The following PFKFB2 variants were observed in gnomAD, a reference collection of about 807,000 sequenced individuals.
PFKFB2 encodes 6-phosphofructo-2-kinase/fructose-2,6-biphosphatase 2.
Under a neutral mutation model 68.0 loss-of-function variants are expected in PFKFB2, and 53 were observed. The observed-to-expected ratio is 0.78, with a 90% CI of 0.63 to 0.98. The LOEUF (loss-of-function observed/expected upper bound fraction) is 0.98, where lower values mean the gene tolerates loss of function less well. Ranked by LOEUF, PFKFB2 falls within the 50% of genes least tolerant of loss-of-function variation. PFKFB2 has a pLI of 0.00. For synonymous variants in PFKFB2, 222 were observed against 227.6 expected (o/e 0.98, Z 0.22); for missense variants, 451 against 642.0 (o/e 0.70, Z 3.22).
chr1:207,077,362 T>A lies in PFKFB2; in HGVS notation c.*4991T>A. ...TTTTAAGGGTTGGCAAAAGTATTTT[T>A]TCCAGTAAGCCTTTCACTGGATATC... On this transcript the variant is annotated 3_prime_UTR_variant, in exon 15 of 15. Coordinates refer to ENST00000367080, the MANE Select transcript of PFKFB2 (RefSeq NM_006212.2). 2 of 984,686 alleles carry A rather than the reference T, an allele frequency of 2.0e-6. No homozygotes were observed. Among genetic ancestry groups the A allele is most frequent in the South Asian group, 9.4e-5 (2 of 21,272 alleles). 61.0% of individuals were successfully genotyped at this position (984,686 alleles called of 1,614,324 possible).
chr1:207,066,690 T>C (rs1417759826), intron 8 of PFKFB2, among the ~76,000 whole-genome samples: 1 of 152,204 alleles, frequency 6.6e-6, no homozygotes, highest in Non-Finnish European at 1.5e-5. Flanking sequence ...CTCGCTCTTG[T>C]TGCCCAGGCT....
At position 207,070,807 on chromosome 1, in the gene PFKFB2, G is replaced by A. The variant is rs906804214; in HGVS notation, c.1223-381G>A. The A allele has an allele frequency of 3.7e-5, 10 of 273,938 alleles. No homozygotes were observed. The highest frequency in any genetic ancestry group is 1.8e-4 in the African/African-American group (8 of 44,452). 17.0% of individuals were successfully genotyped at this position (273,938 alleles called of 1,614,324 possible). On this transcript the variant is annotated intron_variant, in intron 12 of 14. Transcript: ENST00000367080. The surrounding 1 kb of genome is among the most constrained non-coding windows in gnomAD (Gnocchi z 4.2). ...GTGCCGTTGCCTTCTTCCATACTTC[G>A]CTTCCCGATCTTCGGGAGCTCCTGG...
At chr1:207,068,612 C>T (rs1683371407) in intron 10 of PFKFB2, among the ~76,000 whole-genome samples, 1 of 152,162 alleles carries the variant, frequency 6.6e-6, no homozygotes, top group Non-Finnish European at 1.5e-5. Context: ...GTATATTTGC[C>T]TCCTGGGAAA....
In PFKFB2 at chr1:207,077,178, C is replaced by T; in HGVS notation, c.*4807C>T. ...CTGCTTTAGGGCAGGACTTCAGTTC[C>T]ACTGTTCATTTCTGAAGCTTCTGTG... On this transcript the variant is annotated 3_prime_UTR_variant, in exon 15 of 15. Coordinates refer to ENST00000367080, the MANE Select transcript of PFKFB2 (RefSeq NM_006212.2). The T allele has an allele frequency of 2.0e-6, 2 of 978,674 alleles. No homozygotes were observed. The highest frequency in any genetic ancestry group is 2.4e-6 in the Non-Finnish European group (2 of 829,878). 60.6% of individuals were successfully genotyped at this position (978,674 alleles called of 1,614,324 possible).
At chr1:207,050,855 A>G (rs749209354), upstream of PFKFB2, 1 of 1,612,600 alleles carries the variant, frequency 6.2e-7, no homozygotes, top group South Asian at 1.1e-5. Context: ...CCCCTGCAAA[A>G]CATGGGTGCC....
chr1:207,040,709 T>C (rs1481549656), intron 1 of PFKFB2, among the ~76,000 whole-genome samples: 1 of 152,182 alleles, frequency 6.6e-6, no homozygotes, highest in African/African-American at 2.4e-5. Context: ...TTTTCTGTTC[T>C]TGAATGTCTC....
At position 207,063,886 on chromosome 1, in the gene PFKFB2, G is replaced by GTGTGT. The variant is rs1553251477; in HGVS notation, c.507+57_507+58insTGTGT. 2.4e-6 allele frequency: 2 copies of GTGTGT among 849,560 alleles called. No homozygotes were observed. Among genetic ancestry groups the GTGTGT allele is most frequent in the African/African-American group, 5.2e-5 (2 of 38,394 alleles). 52.6% of individuals were successfully genotyped at this position (849,560 alleles called of 1,614,324 possible). ...TCACCTTTTGTGCTGTGTGTGTTGT[G>GTGTGT]GGGTGTGTGTGTGTGTGTGTGTGTG... is the stretch of plus-strand genomic sequence containing the variant. On this transcript the variant is annotated intron_variant, in intron 7 of 14. Coordinates refer to ENST00000367080, the MANE Select transcript of PFKFB2 (RefSeq NM_006212.2). This position sits in a 1 kb window ranked among gnomAD's most constrained non-coding sequence, Gnocchi z 4.1.
upstream of PFKFB2, chr1:207,049,420 T>C: frequency 6.2e-7 from 1 of 1,614,226 alleles, no homozygotes; most frequent in Non-Finnish European, 8.5e-7. Context: ...CCAAGTGTCA[T>C]CCCTTTTGAT....
rs1438541251 is a variant in PFKFB2 at position 207,077,491 on chromosome 1, A to G, written c.*5120A>G. On this transcript the variant is annotated 3_prime_UTR_variant, in exon 15 of 15. Transcript: ENST00000367080. ...AAGATCAACTTATGCTGGTATGGTG[A>G]TGGTTTTGCTATGGCAAAATCAAAG... The G allele has an allele frequency of 2.0e-6, 2 of 985,362 alleles. No homozygotes were observed. Among genetic ancestry groups the G allele is most frequent in the Non-Finnish European group, 2.4e-6 (2 of 829,788 alleles). 61.0% of individuals were successfully genotyped at this position (985,362 alleles called of 1,614,324 possible).
chr1:207,057,319 A>C (rs1366336000), intron 2 of PFKFB2, among the ~76,000 whole-genome samples: 4 of 148,748 alleles, frequency 2.7e-5, no homozygotes, highest in South Asian at 2.1e-4. Flanking sequence ...AAAAAAAAAA[A>C]AAAAAAAAAC....
intron 2 of PFKFB2, chr1:207,047,050 T>C (rs1403790323): frequency 6.6e-6 from 1 of 152,502 alleles, no homozygotes; most frequent in Non-Finnish European, 1.5e-5. Flanking sequence ...TTTACAGTTT[T>C]AAATTTAGTA....
Position 207,073,679 on chromosome 1 carries a change from G to T in PFKFB2, c.*1308G>T, listed in dbSNP as rs1027341367. The T allele has an allele frequency of 2.0e-6, 2 of 984,802 alleles. No homozygotes were observed. The highest frequency in any genetic ancestry group is 1.1e-4 in the East Asian group (1 of 8,832). 61.0% of individuals were successfully genotyped at this position (984,802 alleles called of 1,614,324 possible). ...CTTGGAACCCTGTGGGATCTAGCTC[G>T]TAACTGTTTGTATTTCTCTATTCAC... On this transcript the variant is annotated 3_prime_UTR_variant, in exon 15 of 15. Coordinates refer to ENST00000367080, the MANE Select transcript of PFKFB2 (RefSeq NM_006212.2).
At chr1:207,048,673 T>C, upstream of PFKFB2, 1 of 222,650 alleles carries the variant, frequency 4.5e-6, no homozygotes, top group South Asian at 7.7e-5. Flanking sequence ...CCTTCCACAT[T>C]ACCCAAAATG....
chr1:207,046,510 T>G (rs1682603745), intron 2 of PFKFB2: 1 of 152,040 alleles, frequency 6.6e-6, no homozygotes, highest in Admixed American at 6.6e-5. Context: ...AAATAAAGCT[T>G]CACCTTGAAT....
At chr1:207,037,287 G>T (rs993888817) in intron 1 of PFKFB2, among the ~76,000 whole-genome samples, 4 of 152,006 alleles carry the variant, frequency 2.6e-5, no homozygotes, top group African/African-American at 4.8e-5. Flanking sequence ...AAGTTCTCTT[G>T]CTTCTCTAAT....
At chr1:207,060,485 T>C (rs1031459179) in intron 2 of PFKFB2, among the ~76,000 whole-genome samples, 1 of 152,230 alleles carries the variant, frequency 6.6e-6, no homozygotes, top group African/African-American at 2.4e-5. Context: ...CTATTCAGAA[T>C]GTGTATCAAG....
chr1:207,054,384 A>G (rs1304897588), intron 1 of PFKFB2, among the ~76,000 whole-genome samples: 1 of 152,220 alleles, frequency 6.6e-6, no homozygotes, highest in Non-Finnish European at 1.5e-5. Context: ...TCAAATTTTC[A>G]ATCTGTAAAA....
intron 2 of PFKFB2, among the ~76,000 whole-genome samples, chr1:207,061,164 T>TA (rs1244623981): frequency 1.6e-4 from 8 of 51,500 alleles, no homozygotes; most frequent in Middle Eastern, 0.014. Context: ...TATATATATC[T>TA]TTATATATAT....
chr1:207,054,682 T>A lies in PFKFB2; in HGVS notation c.-17-19T>A, dbSNP rs367831695. 1.8e-5 allele frequency: 28 copies of A among 1,526,166 alleles called. No individual in the cohort carries two copies. The highest frequency in any genetic ancestry group is 2.4e-5 in the Non-Finnish European group (26 of 1,103,624). The allele number at this position is 1,526,166 out of a possible 1,614,324, so 94.5% of individuals were successfully genotyped here. A position where few individuals can be genotyped will look rare whatever the true frequency, so the allele number is the denominator to read the frequency against. ...CTTTCTTCCCCTTCCCTTTTTTACATTCTACTTCTCTGTTTCAGACATCTG... is the reference window on the plus strand; with the variant it reads ...CTTTCTTCCCCTTCCCTTTTTTACAATCTACTTCTCTGTTTCAGACATCTG... On this transcript the variant is annotated intron_variant, in intron 1 of 14. Coordinates refer to ENST00000367080, the MANE Select transcript of PFKFB2 (RefSeq NM_006212.2).
Sources: allele counts gnomAD v4.1 joint callset (sites outside exome capture counted in the v4.1 genomes callset), GRCh38; gene constraint gnomAD v4.1.1; non-coding constraint Gnocchi (gnomAD v3.1); transcripts MANE v1.5; gene names NCBI Gene and HGNC (gene_info 2026-07-23, HGNC 2026-07-21).